The following RPL23A variants were observed in gnomAD, a reference collection of about 807,000 sequenced individuals.
RPL23A encodes ribosomal protein L23a, also known as large ribosomal subunit protein uL23.
In RPL23A, 2 loss-of-function variants were observed where a neutral mutation model predicts 17.6. That is an observed-to-expected ratio of 0.11 (90% CI 0.05 to 0.36). The LOEUF (loss-of-function observed/expected upper bound fraction) is 0.36. RPL23A is among the 10% of genes least tolerant of loss of function. RPL23A has a pLI of 1.00. For missense variants in RPL23A, 132 were observed against 194.4 expected (o/e 0.68, Z 1.91); for synonymous variants, 65 against 74.3 (o/e 0.87, Z 0.65).
At chr17:28,720,229 G>GC (rs899667613) in intron 1 of RPL23A, 199 bp downstream of exon 1, 3 of 1,539,066 alleles carry the variant, frequency 1.9e-6, no homozygotes, top group East Asian at 2.5e-5. Context: ...GGGAGTTGGG[G>GC]GGGGGCAACG....
intron 2 of RPL23A, among the ~76,000 whole-genome samples, chr17:28,722,245 C>CA (rs57128027): frequency 0.023 from 2,862 of 127,132 alleles, 69 homozygotes; most frequent in African/African-American, 0.038. Context: ...GACTCTGTCT[C>CA]AAAAAAAAAA....
chr17:28,720,425 G>C, intron 1 of RPL23A: 1 of 1,608,186 alleles, frequency 6.2e-7, no homozygotes, highest in Non-Finnish European at 8.5e-7. Flanking sequence ...GTGGTTTTGC[G>C]ATGGGGTATG....
Position 28,720,706 on chromosome 17 carries a change from G to A in RPL23A, c.26-1G>A. 4 of 1,614,064 alleles carry A rather than the reference G, an allele frequency of 2.5e-6. No individual in the cohort carries two copies. The highest frequency in any genetic ancestry group is 3.4e-6 in the Non-Finnish European group (4 of 1,180,004). On this transcript the variant is annotated splice_acceptor_variant, in intron 1 of 4. Coordinates refer to ENST00000422514, the MANE Select transcript of RPL23A (RefSeq NM_000984.6). LOFTEE classifies it high-confidence loss of function. ...CCACGTTTTCTTTCCTTTTCTCCCA[G>A]CTCCTGCCCCTCCTAAAGCTGAAGC...
chr17:28,720,178 G>C (rs2034079943), intron 1 of RPL23A, 148 bp downstream of exon 1: 1 of 1,528,324 alleles, frequency 6.5e-7, no homozygotes, highest in South Asian at 1.2e-5. Flanking sequence ...CAGTATACGT[G>C]GGCCGCGTGG....
intron 3 of RPL23A, 173 bp from the exon 4 acceptor site, chr17:28,723,390 CCATAAGAG>C: frequency 1.3e-6 from 1 of 766,082 alleles, no homozygotes; most frequent in Non-Finnish European, 2.4e-6. Flanking sequence ...GTGGTGTTTC[CCATAAGAG>C]AATTGGCTTT....
chr17:28,723,394 AAG>A (rs781384142), intron 3 of RPL23A, 175 bp from the exon 4 acceptor site: 27 of 767,522 alleles, frequency 3.5e-5, no homozygotes, highest in Admixed American at 8.5e-5. Flanking sequence ...TGTTTCCCAT[AAG>A]AGAATTGGCT....
rs1395538428 is a variant in RPL23A at position 28,722,582 on chromosome 17, G to A, written c.210-141G>A. The A allele has an allele frequency of 5.0e-6, 4 of 794,770 alleles. No homozygotes were observed. The African/African-American group carries it at 6.7e-5, about 13-fold the overall frequency. The allele number at this position is 794,770 out of a possible 1,614,324, so 49.2% of individuals were successfully genotyped here. On this transcript the variant is annotated intron_variant, in intron 2 of 4. Coordinates refer to ENST00000422514, the MANE Select transcript of RPL23A (RefSeq NM_000984.6). ...GGGGCTTCAGGCCCTTAGATTTCAG[G>A]GTGCAGATGATGACACTGTAAAGCG...
chr17:28,721,085 C>A (rs1044494708), intron 2 of RPL23A, 195 bp downstream of exon 2: 2 of 522,438 alleles, frequency 3.8e-6, no homozygotes, highest in Non-Finnish European at 6.8e-6. Flanking sequence ...GGCGCGGTGG[C>A]TCACGTCTGT....
chr17:28,722,847 G>T lies in RPL23A; in HGVS notation c.334G>T (p.Ala112Ser), dbSNP rs9360. ...AGCCAACAAGCACCAGATTAAACAG[G>T]CTGTGAAGAAGCTGTATGACATTGA... ...VKANKHQIKQAVKKLYDIDVA... is the reference protein window; with the variant it reads ...VKANKHQIKQSVKKLYDIDVA... The change falls in exon 3 of 5, where the codon GCT becomes TCT. Residue 112 changes from alanine (A) to serine (S), a missense_variant. Coordinates refer to ENST00000422514, the MANE Select transcript of RPL23A (RefSeq NM_000984.6). 6.2e-7 allele frequency: 1 copy of T among 1,613,936 alleles called. No homozygotes were observed. Among genetic ancestry groups the T allele is most frequent in the Non-Finnish European group, 8.5e-7 (1 of 1,179,842 alleles).
At chr17:28,720,942 A>G (rs1413700341) in intron 2 of RPL23A, 52 bp downstream of exon 2, 9 of 1,503,002 alleles carry the variant, frequency 6.0e-6, no homozygotes, top group Non-Finnish European at 7.4e-6. Flanking sequence ...CTCCATTGGT[A>G]ATTTGGAAAT....
chr17:28,723,369 T>G (rs2034150349), intron 3 of RPL23A: 1 of 758,270 alleles, frequency 1.3e-6, no homozygotes, highest in Non-Finnish European at 2.4e-6. Flanking sequence ...GTTTAAGTCT[T>G]AATGTGGCCT....
chr17:28,722,667 C>A, intron 2 of RPL23A, 56 bp from the exon 3 acceptor site: 1 of 1,455,892 alleles, frequency 6.9e-7, no homozygotes, highest in Non-Finnish European at 9.7e-7. Flanking sequence ...GCTCTCCTGG[C>A]TCTGGGCTCC....
At chr17:28,723,834 A>G (rs769863681) in intron 4 of RPL23A, 33 bp from the exon 5 acceptor site, 1 of 1,597,848 alleles carries the variant, frequency 6.3e-7, no homozygotes, top group South Asian at 1.1e-5. Context: ...TCATATTTCA[A>G]CTCCAGTAAC....
At chr17:28,720,075 C>T (rs923248754) in intron 1 of RPL23A, 45 bp downstream of exon 1, 1 of 1,549,750 alleles carries the variant, frequency 6.5e-7, no homozygotes, top group Non-Finnish European at 8.7e-7. Flanking sequence ...CGGGGATTGC[C>T]GCGCCGCAGA....
intron 2 of RPL23A, chr17:28,721,775 C>G (rs187095182): frequency 7.6e-4 from 116 of 152,276 alleles, no homozygotes; most frequent in African/African-American, 2.7e-3. Flanking sequence ...TGCTTCTACT[C>G]TTTCTTAACA....
intron 3 of RPL23A, chr17:28,723,338 G>A (rs1449147835): frequency 1.8e-5 from 13 of 725,728 alleles, no homozygotes; most frequent in Admixed American, 7.1e-5. Flanking sequence ...ACTAGAGTGC[G>A]ACACGTGGCA....
chr17:28,721,026 G>T (rs2034104948), intron 2 of RPL23A, 136 bp downstream of exon 2: 2 of 779,860 alleles, frequency 2.6e-6, no homozygotes, highest in Admixed American at 2.7e-5. Context: ...AGTATGAGGA[G>T]ATTGTTTCTG....
intron 3 of RPL23A, 100 bp downstream of exon 3, chr17:28,722,999 G>C: frequency 1.2e-6 from 1 of 867,778 alleles, no homozygotes; most frequent in South Asian, 1.5e-5. Flanking sequence ...GGTAGTCCTG[G>C]TAATGCAGGA....
chr17:28,720,068 G>A (rs769512437), intron 1 of RPL23A, 38 bp downstream of exon 1: 8 of 1,550,596 alleles, frequency 5.2e-6, no homozygotes, highest in Non-Finnish European at 7.0e-6. Context: ...GGTTTACCGG[G>A]GATTGCCGCG....
Sources: gnomAD v4.1 joint callset for allele counts (sites outside exome capture counted in the v4.1 genomes callset) on GRCh38, gnomAD v4.1.1 for gene constraint, MANE v1.5 for transcripts, NCBI Gene and HGNC (gene_info 2026-07-23, HGNC 2026-07-21) for gene names.